Variants in DDX54 observed in about 807,000 individuals in gnomAD.
DDX54 encodes ATP-dependent RNA helicase DDX54.
A neutral mutation model predicts 105.5 loss-of-function variants in DDX54; 67 were observed. The observed-to-expected ratio is 0.64, with a 90% CI of 0.52 to 0.78. The LOEUF (loss-of-function observed/expected upper bound fraction) is 0.78, where lower values mean the gene tolerates loss of function less well. Among genes scored for constraint, DDX54 ranks in the 30% least tolerant of loss-of-function variants. The probability of loss-of-function intolerance (pLI) is 0.00; values close to 1 mark genes in which losing one functional copy is unlikely to be tolerated. For synonymous variants in DDX54, 514 were observed against 509.9 expected, an observed-to-expected ratio of 1.01 and a Z score of -0.11; for missense variants, 1,206 against 1,230.5, an observed-to-expected ratio of 0.98 and a Z score of 0.30.
chr12:113,185,196 C>T (rs1952514455), intron 1 of DDX54, 82 bp downstream of exon 1: 1 of 1,415,672 alleles, frequency 7.1e-7, no homozygotes, highest in Non-Finnish European at 9.2e-7. Context: ...GCCCAATCCC[C>T]AGCTGGGGAA....
chr12:113,165,095 T>C (rs1952255983), intron 14 of DDX54, among the ~76,000 whole-genome samples: 1 of 152,180 alleles, frequency 6.6e-6, no homozygotes, highest in African/African-American at 2.4e-5. Flanking sequence ...GGAAAAGGCA[T>C]AGCTTGTCAA....
Position 113,158,932 on chromosome 12 carries a change from C to T in DDX54, c.2591G>A (p.Gly864Asp). 4 of 1,609,866 alleles carry T rather than the reference C, an allele frequency of 2.5e-6. No individual in the cohort carries two copies. The highest frequency in any genetic ancestry group is 3.4e-6 in the Non-Finnish European group (4 of 1,177,134). ...NRRRVQELQQ[G>D]AFGRGARSKK... The stretch of plus-strand genomic sequence containing the variant: ...GGAGCGGGCACCCCGGCCGAAGGCG[C>T]CCTGCTGCAGCTCCTGGACGCGGCG... The change falls in exon 20 of 20, where the codon GGC becomes GAC. Residue 864 changes from glycine to aspartate, a missense_variant. Gly to Asp is a moderately conservative substitution (Grantham distance 94, BLOSUM62 -1). Transcript: ENST00000306014. The surrounding 1 kb of genome is among the most constrained non-coding windows in gnomAD (Gnocchi z 4.9).
intron 14 of DDX54, among the ~76,000 whole-genome samples, chr12:113,164,974 C>CCATTA (rs1189407819): frequency 1.3e-5 from 2 of 152,124 alleles, no homozygotes; most frequent in Non-Finnish European, 2.9e-5. Flanking sequence ...CTGCAGTGAG[C>CCATTA]CATGATTGCA....
rs1190491901 is a variant in DDX54 at position 113,165,854 on chromosome 12, G to C, written c.1593C>G (p.Ile531Met). The C allele has an allele frequency of 3.1e-6, 5 of 1,613,080 alleles. No homozygotes were observed. Among genetic ancestry groups the C allele is most frequent in the Non-Finnish European group, 2.5e-6 (3 of 1,179,704 alleles). ...CAAGGTCCATCTCCTTGGCCCTCTTGATGGACTCAGGCGAGGGCGCCGGGC... is the reference window on the plus strand; with the variant it reads ...CAAGGTCCATCTCCTTGGCCCTCTTCATGGACTCAGGCGAGGGCGCCGGGC... The part of the protein sequence containing the change: ...RSRPAPSPES[I>M]KRAKEMDLVG... The change falls in exon 13 of 20, where the codon ATC becomes ATG. Residue 531 changes from isoleucine (I) to methionine (M), a missense_variant. By Grantham distance (10) the Ile-to-Met change is conservative (BLOSUM62 1). This residue lies in a region of DDX54 where 961 missense variants were observed against 1,019.1 expected (regional missense o/e 0.94). Transcript: ENST00000306014.
intron 19 of DDX54, 141 bp from the exon 20 acceptor site, chr12:113,159,250 T>C: frequency 1.0e-6 from 1 of 969,060 alleles, no homozygotes; most frequent in South Asian, 1.8e-5. Context: ...ACACAGTAGG[T>C]GGCTAATAAA....
At position 113,178,963 on chromosome 12, in the gene DDX54, T is replaced by G; in HGVS notation, c.614+14A>C. 2 of 1,613,720 alleles carry G rather than the reference T, an allele frequency of 1.2e-6. No homozygotes were observed. Among genetic ancestry groups the G allele is most frequent in the Non-Finnish European group, 1.7e-6 (2 of 1,179,846 alleles). Reference sequence around the variant, plus strand: ...GCATGGTGGTGACCCTGGCATGGGGTGCAGGGACCTTACCTGTCTCCACCC... The same window carrying G: ...GCATGGTGGTGACCCTGGCATGGGGGGCAGGGACCTTACCTGTCTCCACCC... On this transcript the variant is annotated intron_variant, in intron 5 of 19. Coordinates refer to ENST00000306014, the MANE Select transcript of DDX54 (RefSeq NM_024072.4).
At chr12:113,162,762 G>A in intron 17 of DDX54, 170 bp downstream of exon 17, 1 of 620,474 alleles carries the variant, frequency 1.6e-6, no homozygotes, top group Non-Finnish European at 2.7e-6. Context: ...GGCCTGGAGG[G>A]GCAGCTCACT....
chr12:113,185,125 C>T (rs1952513381), intron 1 of DDX54, among the ~76,000 whole-genome samples, 153 bp downstream of exon 1: 1 of 152,200 alleles, frequency 6.6e-6, no homozygotes. Flanking sequence ...GACACGTGCT[C>T]AGGCCGGCGG....
chr12:113,185,265 C>T lies in DDX54; in HGVS notation c.174+13G>A. The T allele has an allele frequency of 6.5e-7, 1 of 1,542,048 alleles. No homozygotes were observed. The highest frequency in any genetic ancestry group is 2.4e-5 in the East Asian group (1 of 41,668). On this transcript the variant is annotated intron_variant, in intron 1 of 19. Transcript: ENST00000306014. The stretch of plus-strand genomic sequence containing the variant: ...CTCGGGCCCGAACATGCGTCCCAGC[C>T]CCACGCGCCTACCTTCCGGGCCCGG...
At position 113,163,833 on chromosome 12, in the gene DDX54, G is replaced by A. The variant is rs1322724106; in HGVS notation, c.1938+234C>T. On this transcript the variant is annotated intron_variant, in intron 15 of 19. Coordinates refer to ENST00000306014, the MANE Select transcript of DDX54 (RefSeq NM_024072.4). The surrounding 1 kb of genome is among the most constrained non-coding windows in gnomAD (Gnocchi z 5.9). ...TGTGTTTGGTGGCTGGTGATGCCCC[G>A]GACCCCACTGAGGGTGTCATGTCGT... is the stretch of plus-strand genomic sequence containing the variant. Among the ~76,000 whole-genome samples the A allele has an allele frequency of 5.3e-5, 8 of 152,150 alleles. No individual in the cohort carries two copies. The highest frequency in any genetic ancestry group is 2.1e-4 in the South Asian group (1 of 4,832).
Position 113,185,109 on chromosome 12 carries a change from C to T in DDX54, c.174+169G>A, listed in dbSNP as rs115324905. On this transcript the variant is annotated intron_variant, in intron 1 of 19. Coordinates refer to ENST00000306014, the MANE Select transcript of DDX54 (RefSeq NM_024072.4). ...GCCGCGGAACCCTGAGCCTGACAAG[C>T]CCCGAGACACGTGCTCAGGCCGGCG... Among the ~76,000 whole-genome samples the T allele has an allele frequency of 1.1e-4, 16 of 151,880 alleles. No homozygotes were observed. In the South Asian group the frequency reaches 2.9e-3, roughly 27 times the overall value.
chr12:113,157,430 A>G lies in DDX54; in HGVS notation c.*1447T>C, dbSNP rs1952141320. 1.6e-6 allele frequency: 1 copy of G among 616,758 alleles called. No individual in the cohort carries two copies. The highest frequency in any genetic ancestry group is 2.0e-5 in the South Asian group (1 of 51,112). The allele number at this position is 616,758 out of a possible 1,614,324, so 38.2% of individuals were successfully genotyped here. A position where few individuals can be genotyped will look rare whatever the true frequency, so the allele number is the denominator to read the frequency against. On this transcript the variant is annotated 3_prime_UTR_variant, in exon 20 of 20. Coordinates refer to ENST00000306014, the MANE Select transcript of DDX54 (RefSeq NM_024072.4). ...GGTTGGCCTGAGGCTTTCAAAACCC[A>G]GAACGGTTTAGGATCTCAGTCACCA... is the stretch of plus-strand genomic sequence containing the variant.
At position 113,175,053 on chromosome 12, in the gene DDX54, A is replaced by T. The variant is rs1366567024; in HGVS notation, c.857T>A (p.Val286Glu). Residue 286 changes from valine (V) to glutamate (E), a missense_variant, in exon 8 of 20, where the codon GTG (valine) becomes GAG (glutamate). Around this residue, in one of 3 missense-constraint regions of DDX54, gnomAD observed 961 missense variants for 1,019.1 expected, o/e 0.94. Coordinates refer to ENST00000306014, the MANE Select transcript of DDX54 (RefSeq NM_024072.4). ...LFSATLPKLL[V>E]EFARAGLTEP... ...TCACGCACCAGCCCGGGCAAATTCCACCAGCAGTTTGGGCAGCGTGGCGGA... is the reference window on the plus strand; with the variant it reads ...TCACGCACCAGCCCGGGCAAATTCCTCCAGCAGTTTGGGCAGCGTGGCGGA... 1.2e-6 allele frequency: 2 copies of T among 1,613,234 alleles called. No individual in the cohort carries two copies. The highest frequency in any genetic ancestry group is 1.7e-6 in the Non-Finnish European group (2 of 1,179,816).
Position 113,157,956 on chromosome 12 carries a change from C to T in DDX54, c.*921G>A. 1 of 490,136 alleles carries T rather than the reference C, an allele frequency of 2.0e-6. No homozygotes were observed. Among genetic ancestry groups the T allele is most frequent in the Non-Finnish European group, 3.7e-6 (1 of 271,776 alleles). 30.4% of individuals were successfully genotyped at this position (490,136 alleles called of 1,614,324 possible). On this transcript the variant is annotated 3_prime_UTR_variant, in exon 20 of 20. Coordinates refer to ENST00000306014, the MANE Select transcript of DDX54 (RefSeq NM_024072.4). Reference sequence around the variant, plus strand: ...CTAAAATGAGATCAGACCAGGCCCTCCCTGCCAGGGTGGTTGGGGCATGAA... The same window carrying T: ...CTAAAATGAGATCAGACCAGGCCCTTCCTGCCAGGGTGGTTGGGGCATGAA...
chr12:113,183,407 CCTA>C (rs1187091120), intron 1 of DDX54, among the ~76,000 whole-genome samples: 1 of 152,244 alleles, frequency 6.6e-6, no homozygotes, highest in Admixed American at 6.5e-5. Flanking sequence ...TTGTTGAGCA[CCTA>C]CTGTGTGCCA....
intron 5 of DDX54, 22 bp downstream of exon 5, chr12:113,178,955 G>A (rs1395529783): frequency 4.3e-6 from 7 of 1,613,540 alleles, no homozygotes; most frequent in Non-Finnish European, 5.1e-6. Flanking sequence ...GGTGACCCTG[G>A]CATGGGGTGC....
At chr12:113,160,308 T>G (rs914335368) in intron 19 of DDX54, among the ~76,000 whole-genome samples, 3 of 152,048 alleles carry the variant, frequency 2.0e-5, no homozygotes, top group Non-Finnish European at 4.4e-5. Flanking sequence ...TAAGGCCATC[T>G]GAGAGAGACC....
rs1214783046 is a variant in DDX54, at chr12:113,172,526, T to C, written c.1106A>G (p.Tyr369Cys). 4 of 1,614,066 alleles carry C rather than the reference T, an allele frequency of 2.5e-6. No individual in the cohort carries two copies. The highest frequency in any genetic ancestry group is 1.3e-5 in the African/African-American group (1 of 74,920). The stretch of plus-strand genomic sequence containing the variant: ...GCGGGCTGTCGGGTCTAGGGCACTG[T>C]AGATGTGGGCGCAGCTCACCCGCTG... ...TTQRVSCAHI[Y>C]SALDPTARKI... Residue 369 changes from tyrosine to cysteine, a missense_variant, in exon 11 of 20, where the codon TAC (tyrosine) becomes TGC (cysteine). Tyr to Cys is a radical substitution (Grantham distance 194). This residue lies in a region of DDX54 where 961 missense variants were observed against 1,019.1 expected (regional missense o/e 0.94). Transcript: ENST00000306014.
chr12:113,176,558 CTCTA>C (rs1566099444), intron 7 of DDX54, among the ~76,000 whole-genome samples: 2 of 152,282 alleles, frequency 1.3e-5, no homozygotes, highest in African/African-American at 2.4e-5. Flanking sequence ...CAGAGCAAGA[CTCTA>C]TCTCATAAAT....
Sources: allele counts gnomAD v4.1 joint callset (sites outside exome capture counted in the v4.1 genomes callset), GRCh38; gene constraint gnomAD v4.1.1; regional missense constraint gnomAD v4.1.1; non-coding constraint Gnocchi (gnomAD v3.1); transcripts MANE v1.5; gene names NCBI Gene and HGNC (gene_info 2026-07-23, HGNC 2026-07-21).